GRM3: variants seen among roughly 807,000 people sequenced by gnomAD.
GRM3 encodes metabotropic glutamate receptor 3.
GRM3 carries 26 observed loss-of-function variants against 70.5 expected under a neutral mutation model. That is an observed-to-expected ratio of 0.37 (90% CI 0.27 to 0.51). GRM3 has a LOEUF of 0.51. Among genes scored for constraint, GRM3 ranks in the 20% least tolerant of loss-of-function variants. GRM3 has a pLI of 0.93. For synonymous variants in GRM3, 443 were observed against 434.9 expected (o/e 1.02, Z -0.23); for missense variants, 859 against 1,123.8 (o/e 0.76, Z 3.37).
intron 1 of GRM3, among the ~76,000 whole-genome samples, chr7:86,748,966 C>T (rs1055052244): frequency 5.9e-5 from 9 of 151,956 alleles, no homozygotes; most frequent in Non-Finnish European, 5.9e-5. Flanking sequence ...TAAATCAATA[C>T]CCAAAGATCA....
At chr7:86,767,279 T>A (rs1374451387) in intron 2 of GRM3, among the ~76,000 whole-genome samples, 2 of 151,852 alleles carry the variant, frequency 1.3e-5, no homozygotes, top group Non-Finnish European at 2.9e-5. Context: ...TAGGTATAAT[T>A]CTTTGTGGTT....
rs1369596506 is a variant in GRM3 at position 86,828,059 on chromosome 7, C to T, written c.1325-10780C>T. ...CCCGGGAGGCAGAGCTTGCAGTGAG[C>T]CGAGATCGTGCCACTGCACTACAGC... is the stretch of plus-strand genomic sequence containing the variant. On this transcript the variant is annotated intron_variant, in intron 3 of 5. Transcript: ENST00000361669. Among the ~76,000 whole-genome samples, 4 of 143,242 alleles carry T rather than the reference C, an allele frequency of 2.8e-5. No homozygotes were observed. In the South Asian group the frequency reaches 8.6e-4, roughly 31 times the overall value. 94.0% of individuals were successfully genotyped at this position (143,242 alleles called of 152,430 possible).
chr7:86,646,585 C>CA (rs769717944), intron 1 of GRM3, among the ~76,000 whole-genome samples: 48 of 152,066 alleles, frequency 3.2e-4, no homozygotes, highest in Non-Finnish European at 6.0e-4. Context: ...TACCTTTTAG[C>CA]ATTGAAACCC....
chr7:86,769,976 G>C (rs1796697982), intron 2 of GRM3, among the ~76,000 whole-genome samples: 1 of 152,124 alleles, frequency 6.6e-6, no homozygotes, highest in African/African-American at 2.4e-5. Context: ...AGGGAAAACA[G>C]TATTTATATT....
At chr7:86,800,211 C>T (rs904327055) in intron 3 of GRM3, among the ~76,000 whole-genome samples, 42 of 152,144 alleles carry the variant, frequency 2.8e-4, no homozygotes, top group Admixed American at 2.6e-3. Context: ...AATCAACACC[C>T]TAACATTGCA....
intron 3 of GRM3, among the ~76,000 whole-genome samples, chr7:86,834,472 C>T (rs547562659): frequency 4.2e-4 from 64 of 152,190 alleles, no homozygotes; most frequent in African/African-American, 1.4e-3. Flanking sequence ...CCTGAATATT[C>T]ATTTTAAGGA....
chr7:86,688,938 T>C (rs1029195671), intron 1 of GRM3, among the ~76,000 whole-genome samples: 2 of 148,438 alleles, frequency 1.3e-5, no homozygotes, highest in African/African-American at 4.9e-5. Context: ...TCCAAGGCTC[T>C]GGTGTCACGA....
chr7:86,726,252 C>T (rs1175805604), intron 1 of GRM3, among the ~76,000 whole-genome samples: 2 of 152,186 alleles, frequency 1.3e-5, no homozygotes, highest in East Asian at 3.9e-4. Flanking sequence ...GGCCCTCACC[C>T]CAAAGTGTGG....
chr7:86,719,820 C>T (rs1259306160), intron 1 of GRM3, among the ~76,000 whole-genome samples: 1 of 151,700 alleles, frequency 6.6e-6, no homozygotes, highest in African/African-American at 2.4e-5. Context: ...TTACAAGCTG[C>T]CTTAAGGAGG....
At chr7:86,695,162 C>T (rs529199435) in intron 1 of GRM3, among the ~76,000 whole-genome samples, 2 of 152,146 alleles carry the variant, frequency 1.3e-5, no homozygotes, top group African/African-American at 2.4e-5. Context: ...GTTCATTGAA[C>T]TGTAGGCAAA....
At chr7:86,770,931 G>A (rs1796723303) in intron 2 of GRM3, among the ~76,000 whole-genome samples, 1 of 151,998 alleles carries the variant, frequency 6.6e-6, no homozygotes, top group South Asian at 2.1e-4. Context: ...AAGATGTTTG[G>A]TAGCATCACC....
chr7:86,812,677 G>A (rs571663999), intron 3 of GRM3, among the ~76,000 whole-genome samples: 19 of 151,800 alleles, frequency 1.3e-4, no homozygotes, highest in African/African-American at 4.6e-4. Context: ...CATTTGCCGG[G>A]CATATCAAAG....
At chr7:86,767,557 A>G (rs901078741) in intron 2 of GRM3, among the ~76,000 whole-genome samples, 1 of 124,194 alleles carries the variant, frequency 8.1e-6, no homozygotes, top group Non-Finnish European at 1.7e-5. Context: ...ATATATATAT[A>G]TAAATGAAGT....
intron 2 of GRM3, among the ~76,000 whole-genome samples, chr7:86,783,868 G>A (rs537786873): frequency 3.9e-5 from 6 of 152,218 alleles, no homozygotes; most frequent in African/African-American, 1.4e-4. Context: ...TTCAATATAG[G>A]TGATACAATT....
intron 3 of GRM3, among the ~76,000 whole-genome samples, chr7:86,793,712 C>T (rs1797480051): frequency 6.6e-6 from 1 of 152,144 alleles, no homozygotes; most frequent in South Asian, 2.1e-4. Flanking sequence ...ATTTTAAGGT[C>T]ATGCTGTGGA....
intron 4 of GRM3, among the ~76,000 whole-genome samples, chr7:86,848,851 A>G (rs1798705881): frequency 6.6e-6 from 1 of 152,112 alleles, no homozygotes; most frequent in Non-Finnish European, 1.5e-5. Context: ...GTCCCAATTC[A>G]GGGCATCCTC....
chr7:86,661,462 G>T (rs1562816832), intron 1 of GRM3, among the ~76,000 whole-genome samples: 1 of 151,880 alleles, frequency 6.6e-6, no homozygotes. Flanking sequence ...TAGTTCTGTT[G>T]TACAGAAGTC....
At chr7:86,785,856 C>G (rs538824436) in intron 2 of GRM3, among the ~76,000 whole-genome samples, 1 of 152,078 alleles carries the variant, frequency 6.6e-6, no homozygotes, top group South Asian at 2.1e-4. Flanking sequence ...TCTTTCTATA[C>G]AAGTGCAGTC....
intron 1 of GRM3, among the ~76,000 whole-genome samples, chr7:86,755,505 G>A (rs552281746): frequency 6.6e-6 from 1 of 152,258 alleles, no homozygotes; most frequent in African/African-American, 2.4e-5. Flanking sequence ...AGATATGCCA[G>A]AGAGGGGACC....
Sources: gnomAD v4.1 joint callset for allele counts (sites outside exome capture counted in the v4.1 genomes callset) on GRCh38, gnomAD v4.1.1 for gene constraint, MANE v1.5 for transcripts, NCBI Gene and HGNC (gene_info 2026-07-23, HGNC 2026-07-21) for gene names.